PARL: variants seen among roughly 807,000 people sequenced by gnomAD.
PARL encodes the protein presenilin associated rhomboid like.
A neutral mutation model predicts 51.6 loss-of-function variants in PARL; 44 were observed. That is an observed-to-expected ratio of 0.85 (90% CI 0.67 to 1.10). The LOEUF is 1.10. Ranked by LOEUF, PARL falls within the 50% of genes least tolerant of loss-of-function variation. The pLI is 0.00. For synonymous variants in PARL, 172 were observed against 164.0 expected, an observed-to-expected ratio of 1.05 and a Z score of -0.37; for missense variants, 441 against 469.5, an observed-to-expected ratio of 0.94 and a Z score of 0.56.
intron 9 of PARL, among the ~76,000 whole-genome samples, chr3:183,831,963 T>G (rs753050034): frequency 1.3e-5 from 2 of 152,142 alleles, no homozygotes; most frequent in African/African-American, 2.4e-5. Flanking sequence ...ATAGTTCAGA[T>G]GAATAAAAAT....
chr3:183,882,288 CACACATATATAT>C (rs1560442638), intron 1 of PARL, among the ~76,000 whole-genome samples: 1 of 89,266 alleles, frequency 1.1e-5, no homozygotes, highest in African/African-American at 3.9e-5. Context: ...TATATACACA[CACACATATATAT>C]ACACACACAT....
At chr3:183,863,634 C>T (rs1409653051) in intron 3 of PARL, among the ~76,000 whole-genome samples, 2 of 151,776 alleles carry the variant, frequency 1.3e-5, no homozygotes, top group East Asian at 3.9e-4. Flanking sequence ...AGACAGGGTC[C>T]CCCTGTGTTG....
chr3:183,871,221 AAAGT>A (rs1733168561), intron 1 of PARL, among the ~76,000 whole-genome samples: 1 of 152,150 alleles, frequency 6.6e-6, no homozygotes, highest in African/African-American at 2.4e-5. Flanking sequence ...TACTATACTG[AAAGT>A]AAGGTGGTAC....
chr3:183,853,500 C>T (rs773861858), intron 4 of PARL, among the ~76,000 whole-genome samples: 29 of 151,864 alleles, frequency 1.9e-4, no homozygotes, highest in Non-Finnish European at 5.9e-5. Flanking sequence ...TGCAGTGAGC[C>T]GAGATCGCTC....
intron 4 of PARL, among the ~76,000 whole-genome samples, chr3:183,850,089 G>A (rs1320956001): frequency 1.3e-5 from 2 of 152,160 alleles, no homozygotes; most frequent in Admixed American, 6.5e-5. Flanking sequence ...TAGGTGTTAG[G>A]TGCCTATGTT....
chr3:183,844,143 C>A, intron 5 of PARL, 88 bp downstream of exon 5: 2 of 917,824 alleles, frequency 2.2e-6, no homozygotes, highest in Non-Finnish European at 3.7e-6. Flanking sequence ...ATAGGTAATT[C>A]GTCTTTTTTA....
intron 4 of PARL, chr3:183,856,602 T>C (rs1341328807): frequency 6.6e-6 from 1 of 152,236 alleles, no homozygotes; most frequent in Non-Finnish European, 1.5e-5. Flanking sequence ...ATCCTCCCAC[T>C]GGGATAGAGA....
At chr3:183,865,423 C>T (rs1223237639) in intron 3 of PARL, among the ~76,000 whole-genome samples, 1 of 152,198 alleles carries the variant, frequency 6.6e-6, no homozygotes, top group Non-Finnish European at 1.5e-5. Context: ...GGCTGCTGAC[C>T]ACTAGTGGTC....
At chr3:183,857,551 T>C (rs1731311868) in intron 4 of PARL, among the ~76,000 whole-genome samples, 1 of 152,236 alleles carries the variant, frequency 6.6e-6, no homozygotes, top group Non-Finnish European at 1.5e-5. Flanking sequence ...TAAATGCCTA[T>C]ATATAAATAG....
chr3:183,833,802 G>A lies in PARL; in HGVS notation c.852C>T (p.Leu284=), dbSNP rs761139941. Residue 284 remains leucine (L), a synonymous_variant, in exon 8 of 10, where the codon CTC becomes CTT. Coordinates refer to ENST00000317096, the MANE Select transcript of PARL (RefSeq NM_018622.7). The part of the protein sequence containing the change: ...LGASGAIMTV[L]AAVCTKIPEG... ...CTGGGATCTTAGTGCAGACAGCTGC[G>A]AGGACTGTCATGATGGCACCAGACT... 2.8e-4 allele frequency: 449 copies of A among 1,612,286 alleles called. No homozygotes were observed. The highest frequency in any genetic ancestry group is 3.5e-4 in the Non-Finnish European group (407 of 1,178,394).
chr3:183,840,828 C>T (rs1000137458), intron 6 of PARL, among the ~76,000 whole-genome samples, 188 bp from the exon 7 acceptor site: 2 of 151,914 alleles, frequency 1.3e-5, no homozygotes, highest in African/African-American at 4.8e-5. Context: ...TGTCCCCCAG[C>T]CTCCTGAGTA....
At chr3:183,829,831 A>G in intron 9 of PARL, 122 bp from the exon 10 acceptor site, 1 of 807,158 alleles carries the variant, frequency 1.2e-6, no homozygotes, top group South Asian at 1.4e-5. Context: ...GTAGCCGATT[A>G]AAACTGACTC....
At chr3:183,840,709 CTT>C (rs34558001) in intron 6 of PARL, 69 bp from the exon 7 acceptor site, 4,540 of 595,170 alleles carry the variant, frequency 7.6e-3, no homozygotes, top group Middle Eastern at 0.011. Flanking sequence ...TTTTTCTTTT[CTT>C]TTTTTTTTTT....
Position 183,884,835 on chromosome 3 carries a change from TC to T in PARL, c.11del (p.Arg4GlnfsTer30). MAW[R>X]GWAQRGWGCG... is the part of the protein sequence containing the mutation. ...AGCCCCAGCCTCTCTGCGCCCAGCC[TC>T]GCCACGCCATCTTCCCAACCTCTGC... On this transcript the variant is annotated frameshift_variant, in exon 1 of 10. Transcript: ENST00000317096. LOFTEE classifies it high-confidence loss of function. 3 of 1,597,380 alleles carry T rather than the reference TC, an allele frequency of 1.9e-6. No homozygotes were observed. The highest frequency in any genetic ancestry group is 2.5e-6 in the Non-Finnish European group (3 of 1,179,364).
At chr3:183,865,949 G>A (rs955801763) in intron 3 of PARL, among the ~76,000 whole-genome samples, 5 of 149,386 alleles carry the variant, frequency 3.3e-5, no homozygotes, top group East Asian at 2.0e-4. Context: ...GCACAATCTC[G>A]TCTCACTGCA....
rs562261170 is a variant in PARL, at chr3:183,859,487, A to G, written c.511+3266T>C. Among the ~76,000 whole-genome samples the G allele has an allele frequency of 4.6e-5, 7 of 152,006 alleles. No homozygotes were observed. In the South Asian group the frequency reaches 1.5e-3, roughly 32 times the overall value. The stretch of plus-strand genomic sequence containing the variant: ...CAAGTAGCTGGGATTATAGGCATGC[A>G]CCACCACGTCCAGCTAATTTTGTAT... On this transcript the variant is annotated intron_variant, in intron 4 of 9. Coordinates refer to ENST00000317096, the MANE Select transcript of PARL (RefSeq NM_018622.7).
chr3:183,830,622 G>C (rs1157440736), intron 9 of PARL, among the ~76,000 whole-genome samples: 14 of 152,188 alleles, frequency 9.2e-5, no homozygotes, highest in African/African-American at 3.4e-4. Flanking sequence ...CTGAGGCAGA[G>C]ACCAGATTTT....
intron 4 of PARL, among the ~76,000 whole-genome samples, chr3:183,850,117 G>C (rs1019675009): frequency 1.1e-4 from 16 of 152,200 alleles, no homozygotes; most frequent in Non-Finnish European, 1.5e-5. Context: ...GGCTTCACTA[G>C]TATTTGAGTT....
chr3:183,861,178 T>C (rs1201682881), intron 4 of PARL: 8 of 590,018 alleles, frequency 1.4e-5, no homozygotes, highest in Non-Finnish European at 1.7e-5. Context: ...ACAGATGTGC[T>C]ACTAAAGAGC....
Sources: gnomAD v4.1 joint callset for allele counts (sites outside exome capture counted in the v4.1 genomes callset) on GRCh38, gnomAD v4.1.1 for gene constraint, MANE v1.5 for transcripts, NCBI Gene and HGNC (gene_info 2026-07-23, HGNC 2026-07-21) for gene names.